SLC4A5: variants seen among roughly 807,000 people sequenced by gnomAD.
SLC4A5 encodes the protein solute carrier family 4 member 5.
Under a neutral mutation model 120.4 loss-of-function variants are expected in SLC4A5, and 96 were observed. The ratio of observed to expected loss-of-function variants is 0.80; its 90% CI spans 0.68 to 0.94. The LOEUF (loss-of-function observed/expected upper bound fraction) is 0.94, where lower values mean the gene tolerates loss of function less well. Among genes scored for constraint, SLC4A5 ranks in the 40% least tolerant of loss-of-function variants. The probability of loss-of-function intolerance (pLI) is 0.00; values close to 1 mark genes in which losing one functional copy is unlikely to be tolerated. For missense variants in SLC4A5, 1,259 were observed against 1,459.5 expected, an observed-to-expected ratio of 0.86 and a Z score of 2.24; for synonymous variants, 550 against 571.1, an observed-to-expected ratio of 0.96 and a Z score of 0.53.
chr2:74,244,470 CTT>C (rs1670545202), intron 19 of SLC4A5, among the ~76,000 whole-genome samples: 1 of 121,340 alleles, frequency 8.2e-6, no homozygotes, highest in Non-Finnish European at 1.9e-5. Flanking sequence ...TTTTCTTTCT[CTT>C]TCTTTCTTCT....
chr2:74,329,543 A>C (rs147369160), intron 4 of SLC4A5, among the ~76,000 whole-genome samples: 5,981 of 152,102 alleles, frequency 0.039, 404 homozygotes, highest in African/African-American at 0.14. Context: ...GAGCCAAGAT[A>C]GTGCCACTGC....
intron 12 of SLC4A5, 132 bp from the exon 13 acceptor site, chr2:74,256,064 A>C: frequency 1.0e-6 from 1 of 962,640 alleles, no homozygotes; most frequent in Non-Finnish European, 1.5e-6. Flanking sequence ...TGAAAGAATA[A>C]ATAAGTACTC....
intron 7 of SLC4A5, among the ~76,000 whole-genome samples, chr2:74,291,628 C>T (rs571929406): frequency 3.3e-4 from 51 of 152,300 alleles, no homozygotes; most frequent in African/African-American, 1.2e-3. Flanking sequence ...GGATCAAGTA[C>T]GCCCATTTTA....
At chr2:74,307,039 C>T (rs1303847421) in intron 6 of SLC4A5, 1 of 575,422 alleles carries the variant, frequency 1.7e-6, no homozygotes, top group Admixed American at 2.2e-5. Flanking sequence ...TGGGCCTCCA[C>T]CTCCCTCAGG....
At chr2:74,314,911 T>G in intron 6 of SLC4A5, 34 bp downstream of exon 6, 96 of 1,576,724 alleles carry the variant, frequency 6.1e-5, no homozygotes, top group Non-Finnish European at 7.9e-5. Flanking sequence ...CAGTGCCTCC[T>G]GAGATTTGCA....
At chr2:74,226,767 C>A (rs1694853560) in intron 27 of SLC4A5, among the ~76,000 whole-genome samples, 190 bp downstream of exon 27, 1 of 152,134 alleles carries the variant, frequency 6.6e-6, no homozygotes, top group South Asian at 2.1e-4. Flanking sequence ...TCCTCTCTGC[C>A]CCACCCCACA....
intron 6 of SLC4A5, chr2:74,307,284 A>T (rs1240741300): frequency 1.9e-6 from 1 of 523,146 alleles, no homozygotes; most frequent in East Asian, 4.1e-5. Flanking sequence ...GATCTTATCA[A>T]CGTCCTAAGA....
At chr2:74,326,590 G>A (rs749860037) in intron 5 of SLC4A5, among the ~76,000 whole-genome samples, 48 of 152,208 alleles carry the variant, frequency 3.2e-4, no homozygotes, top group Non-Finnish European at 5.9e-4. Flanking sequence ...GGAGGACGAG[G>A]CGGGCAGATC....
At chr2:74,240,646 G>T (rs1336581543) in intron 20 of SLC4A5, among the ~76,000 whole-genome samples, 4 of 151,966 alleles carry the variant, frequency 2.6e-5, no homozygotes, top group Non-Finnish European at 5.9e-5. Context: ...GCTGATGCCT[G>T]TAGTCCCAGC....
chr2:74,304,367 G>GGTTA, intron 7 of SLC4A5, 122 bp downstream of exon 7: 5 of 1,037,944 alleles, frequency 4.8e-6, no homozygotes, highest in Non-Finnish European at 4.1e-6. Context: ...GGGCCAGAGA[G>GGTTA]GTTAGGCTGA....
intron 5 of SLC4A5, among the ~76,000 whole-genome samples, chr2:74,320,114 G>T (rs1673059225): frequency 6.6e-6 from 1 of 152,106 alleles, no homozygotes; most frequent in East Asian, 1.9e-4. Flanking sequence ...CAAATAAAAA[G>T]AGATTAAACA....
Position 74,247,322 on chromosome 2 carries a change from G to C in SLC4A5, c.1788-15C>G. On this transcript the variant is annotated splice_polypyrimidine_tract_variant and intron_variant, in intron 18 of 30. Coordinates refer to ENST00000394019, the Ensembl canonical transcript of SLC4A5. ...GGCCATTGCCTCTGGAAGGCAGAGG[G>C]GAGGTGAGGGGCCTCCAGCCCAGGG... is the stretch of plus-strand genomic sequence containing the variant. 6.2e-7 allele frequency: 1 copy of C among 1,605,452 alleles called. No individual in the cohort carries two copies. The highest frequency in any genetic ancestry group is 8.5e-7 in the Non-Finnish European group (1 of 1,175,090).
At chr2:74,337,795 T>C (rs761233981) in intron 3 of SLC4A5, among the ~76,000 whole-genome samples, 1 of 152,228 alleles carries the variant, frequency 6.6e-6, no homozygotes, top group African/African-American at 2.4e-5. Context: ...GCCCCTGTTG[T>C]CTTGGCTTCA....
At chr2:74,251,282 C>G (rs1409711817) in intron 16 of SLC4A5, among the ~76,000 whole-genome samples, 1 of 151,638 alleles carries the variant, frequency 6.6e-6, no homozygotes, top group Non-Finnish European at 1.5e-5. Flanking sequence ...CTAAGGAGGG[C>G]CAAAGCTGCT....
At chr2:74,306,649 TTTC>T in intron 6 of SLC4A5, 2 of 517,740 alleles carry the variant, frequency 3.9e-6, no homozygotes, top group Non-Finnish European at 6.1e-6. Flanking sequence ...TGATAGTTCA[TTTC>T]TTTTTTTTTT....
intron 7 of SLC4A5, among the ~76,000 whole-genome samples, chr2:74,297,680 C>T (rs984686831): frequency 6.6e-6 from 1 of 152,190 alleles, no homozygotes; most frequent in African/African-American, 2.4e-5. Context: ...AGGGTAGAAA[C>T]CCTGGCTCCT....
At chr2:74,263,110 G>C (rs940567350) in intron 10 of SLC4A5, among the ~76,000 whole-genome samples, 3 of 152,196 alleles carry the variant, frequency 2.0e-5, no homozygotes, top group Admixed American at 6.6e-5. Context: ...CACGATCTCT[G>C]CTCACTGCAA....
intron 8 of SLC4A5, among the ~76,000 whole-genome samples, chr2:74,275,908 A>T (rs914331373): frequency 1.3e-5 from 2 of 152,164 alleles, no homozygotes; most frequent in South Asian, 4.1e-4. Context: ...GTTTGAAGGC[A>T]TGTCTTTAGA....
chr2:74,224,798 T>C (rs552107295), intron 28 of SLC4A5, 42 bp downstream of exon 28: 1 of 1,583,484 alleles, frequency 6.3e-7, no homozygotes, highest in South Asian at 1.2e-5. Context: ...AGAGAAGGTC[T>C]CTCAATTTCT....
Sources: gnomAD v4.1 joint callset for allele counts (sites outside exome capture counted in the v4.1 genomes callset) on GRCh38, gnomAD v4.1.1 for gene constraint, MANE v1.5 for transcripts, NCBI Gene and HGNC (gene_info 2026-07-23, HGNC 2026-07-21) for gene names.